The following EVC2 variants were observed in gnomAD, a reference collection of about 807,000 sequenced individuals.
EVC2 encodes limbin.
Under a neutral mutation model 149.3 loss-of-function variants are expected in EVC2, and 148 were observed. That is an observed-to-expected ratio of 0.99 (90% CI 0.87 to 1.14). EVC2 has a LOEUF of 1.14. Ranked by LOEUF, EVC2 falls within the 50% of genes most tolerant of loss-of-function variation. The probability of loss-of-function intolerance (pLI) is 0.00; values close to 1 mark genes in which losing one functional copy is unlikely to be tolerated. For synonymous variants in EVC2, 776 were observed against 649.9 expected, an observed-to-expected ratio of 1.19 and a Z score of -2.95; for missense variants, 1,854 against 1,627.3, an observed-to-expected ratio of 1.14 and a Z score of -2.40.
At chr4:5,676,931 A>G (rs1205681778) in intron 7 of EVC2, among the ~76,000 whole-genome samples, 8 of 152,064 alleles carry the variant, frequency 5.3e-5, no homozygotes, top group African/African-American at 1.9e-4. Context: ...CGCACGCTCC[A>G]TTACTTCCTA....
intron 1 of EVC2, among the ~76,000 whole-genome samples, chr4:5,705,136 C>G (rs1025721578): frequency 6.6e-6 from 1 of 152,180 alleles, no homozygotes; most frequent in Admixed American, 6.5e-5. Context: ...GGGACACACC[C>G]AATCCACTGA....
chr4:5,584,255 A>T (rs1712064535), intron 17 of EVC2, among the ~76,000 whole-genome samples: 1 of 152,170 alleles, frequency 6.6e-6, no homozygotes, highest in Admixed American at 6.5e-5. Flanking sequence ...TAATGCTAAT[A>T]ATTAGAATTT....
At chr4:5,678,323 T>C (rs1384720802) in intron 7 of EVC2, among the ~76,000 whole-genome samples, 2 of 152,196 alleles carry the variant, frequency 1.3e-5, no homozygotes, top group African/African-American at 2.4e-5. Flanking sequence ...CCCTGGTAGA[T>C]AATACTTCAC....
Position 5,614,363 on chromosome 4 carries a change from C to T in EVC2, c.2829+1059G>A, listed in dbSNP as rs906099344. 2.6e-5 allele frequency among the ~76,000 whole-genome samples: 4 copies of T among 152,150 alleles called. No individual in the cohort carries two copies. In the South Asian group the frequency reaches 6.2e-4, roughly 24 times the overall value. ...GGGACCAGGGCTGCCTCAGTCACTG[C>T]TGCAACCCCAGAGTTAACTGACACA... On this transcript the variant is annotated intron_variant, in intron 16 of 21. Coordinates refer to ENST00000344408, the MANE Select transcript of EVC2 (RefSeq NM_147127.5). This position sits in a 1 kb window ranked among gnomAD's most constrained non-coding sequence, Gnocchi z 4.7.
Position 5,677,604 on chromosome 4 carries a change from C to A in EVC2, c.870+3656G>T, listed in dbSNP as rs905897269. On this transcript the variant is annotated intron_variant, in intron 7 of 21. Transcript: ENST00000344408. The surrounding 1 kb of genome is among the most constrained non-coding windows in gnomAD (Gnocchi z 4.3). ...TCAATTCCATCCATAAGTGAGCCTG[C>A]GGCATCGGGGAAGAGCTCAGAAATA... Among the ~76,000 whole-genome samples the A allele has an allele frequency of 2.0e-5, 3 of 152,342 alleles. No individual in the cohort carries two copies. The highest frequency in any genetic ancestry group is 2.0e-4 in the Admixed American group (3 of 15,310).
rs926446205 is a variant in EVC2, at chr4:5,692,436, A to G, written c.451-1103T>C. ...TTTATAGATGAGGAAACTAAGACTC[A>G]GAAAGGTTAATACTCTTGCCAAAGA... On this transcript the variant is annotated intron_variant, in intron 3 of 21. Transcript: ENST00000344408. Among the ~76,000 whole-genome samples the G allele has an allele frequency of 3.9e-5, 6 of 152,334 alleles. No individual in the cohort carries two copies. In the East Asian group the frequency reaches 7.7e-4, roughly 20 times the overall value.
Position 5,664,162 on chromosome 4 carries a change from C to T in EVC2, c.1006-916G>A, listed in dbSNP as rs1280980435. ...TACAACAACGCAGTGTTGGTGCCCC[C>T]ATTTTACAAATAGGAAAACTGAGGC... is the stretch of plus-strand genomic sequence containing the variant. On this transcript the variant is annotated intron_variant, in intron 8 of 21. Transcript: ENST00000344408. 3.9e-5 allele frequency among the ~76,000 whole-genome samples: 6 copies of T among 152,182 alleles called. No individual in the cohort carries two copies. The East Asian group carries it at 9.6e-4, about 24-fold the overall frequency.
chr4:5,606,844 T>G (rs1560159620), intron 16 of EVC2, among the ~76,000 whole-genome samples: 4 of 152,002 alleles, frequency 2.6e-5, no homozygotes, highest in Admixed American at 1.3e-4. Flanking sequence ...TCCTAGGAGG[T>G]AGGCGCTTCT....
At position 5,618,503 on chromosome 4, in the gene EVC2, T is replaced by A. The variant is rs556658594; in HGVS notation, c.2681A>T (p.Gln894Leu). 8.7e-6 allele frequency: 14 copies of A among 1,613,518 alleles called. No homozygotes were observed. In the African/African-American group the frequency reaches 1.1e-4, roughly 12 times the overall value. The change falls in exon 15 of 22, where the codon CAG (glutamine) becomes CTG (leucine). Residue 894 changes from glutamine to leucine, a missense_variant. By Grantham distance (113) the Gln-to-Leu change is moderately radical. Coordinates refer to ENST00000344408, the MANE Select transcript of EVC2 (RefSeq NM_147127.5). The surrounding 1 kb of genome is among the most constrained non-coding windows in gnomAD (Gnocchi z 4.4). The stretch of plus-strand genomic sequence containing the variant: ...CTGCAGCTCAGGGGCAGCCACGGCC[T>A]GGTCCAGCTTCACGAACTCTGCTTC... The part of the protein sequence containing the change: ...WREAEFVKLD[Q>L]AVAAPELQQQ...
At chr4:5,689,823 G>A (rs184324765) in intron 4 of EVC2, among the ~76,000 whole-genome samples, 4 of 152,302 alleles carry the variant, frequency 2.6e-5, no homozygotes, top group African/African-American at 4.8e-5. Context: ...CCCAGCACAT[G>A]TCTCAGTGGC....
chr4:5,600,911 A>C (rs1279095881), intron 16 of EVC2, among the ~76,000 whole-genome samples: 1 of 152,238 alleles, frequency 6.6e-6, no homozygotes, highest in Non-Finnish European at 1.5e-5. Flanking sequence ...TTAGGGAAGG[A>C]AACTCAGGCA....
intron 17 of EVC2, among the ~76,000 whole-genome samples, chr4:5,583,725 AT>A (rs200610067): frequency 0.016 from 2,371 of 151,268 alleles, 61 homozygotes; most frequent in African/African-American, 0.054. Context: ...TGTCTTTTAT[AT>A]TTTTTAATGG....
the EVC2 span, among the ~76,000 whole-genome samples, chr4:5,529,761 T>C: frequency 6.6e-6 from 1 of 152,108 alleles, no homozygotes; most frequent in African/African-American, 2.4e-5. The surrounding 1 kb of genome is among the most constrained non-coding windows in gnomAD (Gnocchi z 4.5). Context: ...TTACATATGA[T>C]GCATGAATGC....
chr4:5,587,612 C>T (rs1462137077), intron 16 of EVC2, among the ~76,000 whole-genome samples: 1 of 152,176 alleles, frequency 6.6e-6, no homozygotes, highest in Non-Finnish European at 1.5e-5. Flanking sequence ...ACCCCTCAGA[C>T]ACCGAGTTAA....
intron 21 of EVC2, among the ~76,000 whole-genome samples, chr4:5,550,411 G>C (rs890882470): frequency 1.3e-5 from 2 of 152,198 alleles, no homozygotes; most frequent in African/African-American, 4.8e-5. Flanking sequence ...TTAGCAAAGA[G>C]ACTGGTGGCA....
At chr4:5,629,779 G>C (rs1716392824) in intron 11 of EVC2, among the ~76,000 whole-genome samples, 1 of 152,224 alleles carries the variant, frequency 6.6e-6, no homozygotes, top group African/African-American at 2.4e-5. Context: ...CGTGTAACAG[G>C]AAGGTTACAG....
intron 16 of EVC2, among the ~76,000 whole-genome samples, chr4:5,595,212 A>C (rs940308475): frequency 6.6e-6 from 1 of 152,136 alleles, no homozygotes; most frequent in Non-Finnish European, 1.5e-5. Context: ...CAGGAAATAC[A>C]GAGAATGCCA....
chr4:5,587,582 C>T (rs549531845), intron 16 of EVC2, among the ~76,000 whole-genome samples: 5 of 152,198 alleles, frequency 3.3e-5, no homozygotes, highest in African/African-American at 9.6e-5. Context: ...GGTTCTGTAG[C>T]GGGAAGAGCC....
chr4:5,679,693 G>T lies in EVC2; in HGVS notation c.870+1567C>A, dbSNP rs983732269. ...GCAGGTTTGTTACATAGGTATACAT[G>T]TGTCATGGTGGTTTGCTGCACCTAT... On this transcript the variant is annotated intron_variant, in intron 7 of 21. Transcript: ENST00000344408. The surrounding 1 kb of genome is among the most constrained non-coding windows in gnomAD (Gnocchi z 5.1). Among the ~76,000 whole-genome samples, 3 of 152,078 alleles carry T rather than the reference G, an allele frequency of 2.0e-5. No homozygotes were observed. Among genetic ancestry groups the T allele is most frequent in the African/African-American group, 7.2e-5 (3 of 41,400 alleles).
Sources: allele counts gnomAD v4.1 joint callset (sites outside exome capture counted in the v4.1 genomes callset), GRCh38; gene constraint gnomAD v4.1.1; non-coding constraint Gnocchi (gnomAD v3.1); transcripts MANE v1.5; gene names NCBI Gene and HGNC (gene_info 2026-07-23, HGNC 2026-07-21).